ST3GAL1: variants seen among roughly 807,000 people sequenced by gnomAD.
The protein encoded by ST3GAL1 is ST3 beta-galactoside alpha-2,3-sialyltransferase 1, also known as CMP-N-acetylneuraminate-beta-galactosamide-alpha-2,3-sialyltransferase 1.
In ST3GAL1, 16 loss-of-function variants were observed where a neutral mutation model predicts 34.1. The ratio of observed to expected loss-of-function variants is 0.47; its 90% CI spans 0.32 to 0.71. ST3GAL1 has a LOEUF of 0.71. Ranked by LOEUF, ST3GAL1 falls within the 30% of genes least tolerant of loss-of-function variation. ST3GAL1 has a pLI of 0.04. For synonymous variants in ST3GAL1, 191 were observed against 184.7 expected (o/e 1.03, Z -0.28); for missense variants, 353 against 447.4 (o/e 0.79, Z 1.90).
At chr8:133,481,800 T>C (rs1024077853) in intron 3 of ST3GAL1, among the ~76,000 whole-genome samples, 1 of 152,022 alleles carries the variant, frequency 6.6e-6, no homozygotes, top group Non-Finnish European at 1.5e-5. Context: ...CCAGTCTTTT[T>C]AGCTTTTCAT....
rs1029150425 is a variant in ST3GAL1 at position 133,461,025 on chromosome 8, C to T, written c.849+850G>A. 6.6e-6 allele frequency among the ~76,000 whole-genome samples: 1 copy of T among 152,100 alleles called. No individual in the cohort carries two copies. The highest frequency in any genetic ancestry group is 2.1e-4 in the South Asian group (1 of 4,828). On this transcript the variant is annotated intron_variant, in intron 9 of 9. Coordinates refer to ENST00000522652, the MANE Select transcript of ST3GAL1 (RefSeq NM_173344.3). The surrounding 1 kb of genome is among the most constrained non-coding windows in gnomAD (Gnocchi z 4.7). ...CGGTGGGACGATGGGAGAAAGGGCT[C>T]TTGAGCAGAACCTCAAGCAAGGGTC...
intron 2 of ST3GAL1, among the ~76,000 whole-genome samples, chr8:133,518,000 C>T (rs1221785734): frequency 6.6e-6 from 1 of 152,224 alleles, no homozygotes; most frequent in East Asian, 1.9e-4. Flanking sequence ...TTACAATTCA[C>T]TGCAGACCCC....
At chr8:133,528,692 A>G (rs1282403728) in intron 2 of ST3GAL1, among the ~76,000 whole-genome samples, 1 of 152,246 alleles carries the variant, frequency 6.6e-6, no homozygotes, top group African/African-American at 2.4e-5. Flanking sequence ...AGCAAATGTG[A>G]ATAGTCATGA....
chr8:133,468,284 T>C (rs1267890352), intron 5 of ST3GAL1, among the ~76,000 whole-genome samples: 1 of 152,198 alleles, frequency 6.6e-6, no homozygotes, highest in Non-Finnish European at 1.5e-5. Flanking sequence ...TATTTAGCTA[T>C]AAAAAGAAAA....
At chr8:133,568,479 C>G (rs888260618) in intron 1 of ST3GAL1, among the ~76,000 whole-genome samples, 1 of 152,150 alleles carries the variant, frequency 6.6e-6, no homozygotes, top group African/African-American at 2.4e-5. Context: ...TCTTTGTGAC[C>G]GGGCCAGCTC....
chr8:133,480,779 TTATCTTCCC>T (rs967792202), intron 3 of ST3GAL1, among the ~76,000 whole-genome samples: 1 of 152,250 alleles, frequency 6.6e-6, no homozygotes. Flanking sequence ...ATACCTGCTC[TTATCTTCCC>T]TATCTTCCCC....
At chr8:133,515,605 ATCT>A (rs1188965087) in intron 2 of ST3GAL1, 2 of 152,124 alleles carry the variant, frequency 1.3e-5, no homozygotes, top group East Asian at 1.9e-4. Flanking sequence ...TGATGGAGAA[ATCT>A]TCTTACTATT....
intron 5 of ST3GAL1, among the ~76,000 whole-genome samples, chr8:133,470,464 C>G (rs1224657461): frequency 6.6e-6 from 1 of 151,952 alleles, no homozygotes; most frequent in Non-Finnish European, 1.5e-5. Context: ...GAACACAGGA[C>G]AGAGTGTTTG....
chr8:133,456,751 C>T lies in ST3GAL1; in HGVS notation c.*3013G>A, dbSNP rs893263233. 6.6e-6 allele frequency: 1 copy of T among 152,296 alleles called. No individual in the cohort carries two copies. The highest frequency in any genetic ancestry group is 1.5e-5 in the Non-Finnish European group (1 of 68,106). 9.4% of individuals were successfully genotyped at this position (152,296 alleles called of 1,614,324 possible). A position where few individuals can be genotyped will look rare whatever the true frequency, so the allele number is the denominator to read the frequency against. On this transcript the variant is annotated 3_prime_UTR_variant, in exon 10 of 10. Transcript: ENST00000522652. The stretch of plus-strand genomic sequence containing the variant: ...TGCACGGGAGGGTGTGAGAAGGCCA[C>T]CCAGGCAGCCTGCAGCTAGAGCTCG...
At chr8:133,554,978 C>A (rs769937656) in intron 1 of ST3GAL1, among the ~76,000 whole-genome samples, 1 of 152,100 alleles carries the variant, frequency 6.6e-6, no homozygotes, top group Non-Finnish European at 1.5e-5. Flanking sequence ...CTGCCAGCCA[C>A]GGCCTCCCAA....
intron 2 of ST3GAL1, among the ~76,000 whole-genome samples, chr8:133,543,628 C>T (rs1818595527): frequency 6.6e-6 from 1 of 151,676 alleles, no homozygotes; most frequent in Non-Finnish European, 1.5e-5. Context: ...GAAACGAATG[C>T]TCTGGTTTCA....
At chr8:133,462,077 T>C in intron 8 of ST3GAL1, 83 bp from the exon 9 acceptor site, 3 of 1,590,968 alleles carry the variant, frequency 1.9e-6, no homozygotes, top group East Asian at 4.5e-5. Flanking sequence ...CATACTGTTG[T>C]GGCCATGGAG....
chr8:133,470,114 T>C (rs1304129260), intron 5 of ST3GAL1, among the ~76,000 whole-genome samples: 1 of 152,130 alleles, frequency 6.6e-6, no homozygotes, highest in African/African-American at 2.4e-5. Flanking sequence ...CTTTTGTCAG[T>C]GGCAATAAAA....
intron 3 of ST3GAL1, among the ~76,000 whole-genome samples, chr8:133,487,534 C>T (rs959593399): frequency 6.6e-6 from 1 of 152,192 alleles, no homozygotes; most frequent in African/African-American, 2.4e-5. Context: ...CTCACTTTGT[C>T]TTGGCAACAT....
At chr8:133,472,512 G>A (rs1177206758) in intron 5 of ST3GAL1, among the ~76,000 whole-genome samples, 3 of 152,236 alleles carry the variant, frequency 2.0e-5, no homozygotes, top group African/African-American at 7.2e-5. Flanking sequence ...TCATGAAATG[G>A]TCCTGCCTGC....
In ST3GAL1 at chr8:133,459,120, C is replaced by T. The variant is rs1000685471; in HGVS notation, c.*644G>A. 4 of 152,232 alleles carry T rather than the reference C, an allele frequency of 2.6e-5. No individual in the cohort carries two copies. Among genetic ancestry groups the T allele is most frequent in the African/African-American group, 9.7e-5 (4 of 41,416 alleles). 9.4% of individuals were successfully genotyped at this position (152,232 alleles called of 1,614,324 possible). A position where few individuals can be genotyped will look rare whatever the true frequency, so the allele number is the denominator to read the frequency against. ...ATGTTGCCCAGGCTGGTCTTGAACT[C>T]CTGGGCTCAAGTGATCCTCCCGCCT... On this transcript the variant is annotated 3_prime_UTR_variant, in exon 10 of 10. Coordinates refer to ENST00000522652, the MANE Select transcript of ST3GAL1 (RefSeq NM_173344.3). The surrounding 1 kb of genome is among the most constrained non-coding windows in gnomAD (Gnocchi z 4.7).
intron 2 of ST3GAL1, among the ~76,000 whole-genome samples, chr8:133,525,326 G>A (rs923615039): frequency 4.6e-5 from 7 of 152,212 alleles, no homozygotes; most frequent in African/African-American, 1.4e-4. Context: ...GCAGCTGGTA[G>A]TCCTGACACC....
intron 3 of ST3GAL1, among the ~76,000 whole-genome samples, chr8:133,484,680 C>A: frequency 6.6e-6 from 1 of 152,288 alleles, no homozygotes; most frequent in East Asian, 1.9e-4. Context: ...TTTAATCCCT[C>A]ATTTGGAGAA....
intron 1 of ST3GAL1, among the ~76,000 whole-genome samples, chr8:133,551,594 GAA>G (rs1239139817): frequency 1.3e-5 from 2 of 150,334 alleles, no homozygotes; most frequent in African/African-American, 2.5e-5. Context: ...AAGAAAGAAA[GAA>G]AGAAAGAAAG....
Sources: allele counts gnomAD v4.1 joint callset (sites outside exome capture counted in the v4.1 genomes callset), GRCh38; gene constraint gnomAD v4.1.1; non-coding constraint Gnocchi (gnomAD v3.1); transcripts MANE v1.5; gene names NCBI Gene and HGNC (gene_info 2026-07-23, HGNC 2026-07-21).